Variants in NUP155 observed in about 807,000 individuals in gnomAD.
The protein encoded by NUP155 is nucleoporin 155.
In NUP155, 71 loss-of-function variants were observed where a neutral mutation model predicts 180.4. That is an observed-to-expected ratio of 0.39 (90% confidence interval 0.33 to 0.48). The LOEUF is 0.48. Ranked by LOEUF, NUP155 falls within the 20% of genes least tolerant of loss-of-function variation. NUP155 has a pLI of 0.91. For synonymous variants in NUP155, 582 were observed against 559.5 expected (o/e 1.04, Z -0.57); for missense variants, 1,553 against 1,648.9 (o/e 0.94, Z 1.01).
At chr5:37,344,410 T>C (rs745624287) in intron 9 of NUP155, among the ~76,000 whole-genome samples, 2 of 143,426 alleles carry the variant, frequency 1.4e-5, no homozygotes, top group Non-Finnish European at 3.0e-5. Flanking sequence ...ATATATAAAA[T>C]ATATTACTCA....
At chr5:37,294,112 T>C (rs760542010) in intron 33 of NUP155, among the ~76,000 whole-genome samples, 19 of 152,024 alleles carry the variant, frequency 1.2e-4, no homozygotes, top group Non-Finnish European at 2.1e-4. Flanking sequence ...GCATATTTAT[T>C]AATATTCAAA....
chr5:37,362,052 C>G (rs1322819071), intron 3 of NUP155, among the ~76,000 whole-genome samples: 3 of 152,012 alleles, frequency 2.0e-5, no homozygotes. Flanking sequence ...TCTTGGACTT[C>G]CAGCTTCCAG....
chr5:37,368,318 C>G (rs1747740016), intron 1 of NUP155, among the ~76,000 whole-genome samples: 1 of 143,862 alleles, frequency 7.0e-6, no homozygotes, highest in East Asian at 2.2e-4. Context: ...CTCCCCGTCT[C>G]AAGTTATCCT....
intron 9 of NUP155, among the ~76,000 whole-genome samples, chr5:37,347,203 G>A (rs1027701502): frequency 2.0e-5 from 3 of 152,090 alleles, no homozygotes; most frequent in African/African-American, 7.2e-5. Flanking sequence ...ACTCCAGCCT[G>A]GGCAACAGAG....
At chr5:37,336,333 C>T (rs766961143) in intron 12 of NUP155, among the ~76,000 whole-genome samples, 4 of 151,854 alleles carry the variant, frequency 2.6e-5, no homozygotes, top group Non-Finnish European at 5.9e-5. Context: ...ATTTAAAAAT[C>T]GGCTGTACGT....
intron 5 of NUP155, 83 bp downstream of exon 5, chr5:37,352,654 T>C: frequency 1.2e-6 from 1 of 849,328 alleles, no homozygotes; most frequent in South Asian, 1.4e-5. Flanking sequence ...ATTCAACATT[T>C]CACCCAGATT....
At chr5:37,297,277 C>A (rs1240927227) in intron 32 of NUP155, among the ~76,000 whole-genome samples, 1 of 151,874 alleles carries the variant, frequency 6.6e-6, no homozygotes, top group African/African-American at 2.4e-5. Context: ...CTTTGCCTCT[C>A]CAAAGTGTTG....
At chr5:37,358,696 T>C (rs1165177300) in intron 3 of NUP155, among the ~76,000 whole-genome samples, 1 of 152,204 alleles carries the variant, frequency 6.6e-6, no homozygotes, top group Admixed American at 6.5e-5. Context: ...ATGCTCTTTA[T>C]TAGTTAAATA....
At chr5:37,328,098 G>T (rs1286391093) in intron 17 of NUP155, among the ~76,000 whole-genome samples, 1 of 152,184 alleles carries the variant, frequency 6.6e-6, no homozygotes, top group Non-Finnish European at 1.5e-5. Flanking sequence ...CAGTGAAATA[G>T]AACTGATTAC....
chr5:37,320,492 A>AAG (rs945991343), intron 20 of NUP155, among the ~76,000 whole-genome samples: 4 of 152,064 alleles, frequency 2.6e-5, no homozygotes, highest in African/African-American at 4.8e-5. Context: ...TAAAAAGAAA[A>AAG]AGAGAGAGAG....
intron 32 of NUP155, among the ~76,000 whole-genome samples, chr5:37,297,003 C>T (rs1475538312): frequency 3.9e-5 from 6 of 152,046 alleles, no homozygotes; most frequent in Non-Finnish European, 1.5e-5. Flanking sequence ...ATGGTGAAAC[C>T]CTGTCTCTAT....
rs148814027 is a variant in NUP155 at position 37,341,132 on chromosome 5, C to T, written c.1204G>A (p.Val402Met). 761 of 1,613,798 alleles carry T rather than the reference C, an allele frequency of 4.7e-4. 4 individuals are homozygous for T. The highest frequency in any genetic ancestry group is 2.8e-3 in the South Asian group (253 of 91,068). ...LPPGFSASST[V>M]EKPSKVHRAL... ...CTATGTACTTTTGAAGGCTTTTCCACGGTTGAAGATGCTGAGAATCCAGGA... is the reference window on the plus strand; with the variant it reads ...CTATGTACTTTTGAAGGCTTTTCCATGGTTGAAGATGCTGAGAATCCAGGA... Residue 402 changes from valine (V) to methionine (M), a missense_variant, in exon 11 of 35, where the codon GTG (valine) becomes ATG (methionine). Physicochemically the swap from Val to Met is conservative, Grantham distance 21. Coordinates refer to ENST00000231498, the MANE Select transcript of NUP155 (RefSeq NM_153485.3).
At position 37,318,019 on chromosome 5, in the gene NUP155, T is replaced by C. The variant is rs751453862; in HGVS notation, c.2274A>G (p.Gln758=). ...FMRPENGNPQ[Q]MQQELQRKFH... is the part of the protein sequence containing the mutation. ...ACTTCCTCTGCAGTTCCTGTTGCATTTGCTGGGGATTTCCGTTTTCAGGAC... is the reference window on the plus strand; with the variant it reads ...ACTTCCTCTGCAGTTCCTGTTGCATCTGCTGGGGATTTCCGTTTTCAGGAC... Residue 758 remains glutamine, a synonymous_variant, in exon 21 of 35, where the codon CAA becomes CAG. Coordinates refer to ENST00000231498, the MANE Select transcript of NUP155 (RefSeq NM_153485.3). The C allele has an allele frequency of 6.2e-7, 1 of 1,611,904 alleles. No homozygotes were observed. Among genetic ancestry groups the C allele is most frequent in the Non-Finnish European group, 8.5e-7 (1 of 1,177,954 alleles).
At chr5:37,340,243 C>G (rs992489273) in intron 11 of NUP155, among the ~76,000 whole-genome samples, 1 of 151,950 alleles carries the variant, frequency 6.6e-6, no homozygotes, top group Admixed American at 6.6e-5. Flanking sequence ...GAGTTTGAGA[C>G]GAGCCTAGGC....
rs1006255321 is a variant in NUP155, at chr5:37,314,218, T to C, written c.2416A>G (p.Ile806Val). ...ATTACCTTCTGAAGTTCTGCCACAA[T>C]GATAGTGAATTGATGTTCACAAAGA... ...KLLCEHQFTI[I>V]VAELQKELQE... The change falls in exon 22 of 35, where the codon ATT (isoleucine) becomes GTT (valine). Residue 806 changes from isoleucine (I) to valine (V), a missense_variant. Coordinates refer to ENST00000231498, the MANE Select transcript of NUP155 (RefSeq NM_153485.3). 1 of 1,607,876 alleles carries C rather than the reference T, an allele frequency of 6.2e-7. No homozygotes were observed.
chr5:37,354,843 G>A (rs1746709529), intron 4 of NUP155, among the ~76,000 whole-genome samples: 1 of 152,038 alleles, frequency 6.6e-6, no homozygotes, highest in African/African-American at 2.4e-5. Context: ...TGTAATCTCA[G>A]CACTTTGAGA....
chr5:37,318,333 G>GA (rs939999546), intron 20 of NUP155, among the ~76,000 whole-genome samples: 40 of 147,872 alleles, frequency 2.7e-4, no homozygotes, highest in African/African-American at 7.9e-4. Flanking sequence ...CTAACCTGTA[G>GA]AAAAAAAAAG....
At chr5:37,297,568 C>T (rs1413398780) in intron 32 of NUP155, among the ~76,000 whole-genome samples, 1 of 150,364 alleles carries the variant, frequency 6.7e-6, no homozygotes, top group African/African-American at 2.4e-5. Context: ...TTTGTAGAGA[C>T]AGGGTTTTGC....
chr5:37,299,424 A>C, intron 31 of NUP155, 24 bp downstream of exon 31: 1 of 1,613,496 alleles, frequency 6.2e-7, no homozygotes, highest in East Asian at 2.2e-5. Context: ...ACGTATGCTA[A>C]CATACCTATA....
Sources: gnomAD v4.1 joint callset for allele counts (sites outside exome capture counted in the v4.1 genomes callset) on GRCh38, gnomAD v4.1.1 for gene constraint, MANE v1.5 for transcripts, NCBI Gene and HGNC (gene_info 2026-07-23, HGNC 2026-07-21) for gene names.